The following ZBTB16 variants were observed in gnomAD, a reference collection of about 807,000 sequenced individuals.
ZBTB16 encodes zinc finger and BTB domain-containing protein 16.
ZBTB16 carries 8 observed loss-of-function variants against 56.8 expected under a neutral mutation model. The ratio of observed to expected loss-of-function variants is 0.14; its 90% CI spans 0.08 to 0.25. ZBTB16 has a LOEUF of 0.25. ZBTB16 is among the 10% of genes least tolerant of loss of function. ZBTB16 has a pLI of 1.00. For synonymous variants in ZBTB16, 363 were observed against 368.5 expected, an observed-to-expected ratio of 0.98 and a Z score of 0.17; for missense variants, 625 against 903.0, an observed-to-expected ratio of 0.69 and a Z score of 3.95.
chr11:114,190,746 C>T (rs1335363159), intron 4 of ZBTB16, among the ~76,000 whole-genome samples: 1 of 149,538 alleles, frequency 6.7e-6, no homozygotes, highest in Non-Finnish European at 1.5e-5. Flanking sequence ...CACACACACA[C>T]ACACACACAC....
intron 2 of ZBTB16, among the ~76,000 whole-genome samples, chr11:114,110,877 T>C (rs1025111810): frequency 2.0e-5 from 3 of 152,234 alleles, no homozygotes; most frequent in African/African-American, 7.2e-5. Context: ...TCTGTGATCT[T>C]GTTTTTACAC....
At chr11:114,157,715 C>T (rs958605277) in intron 3 of ZBTB16, among the ~76,000 whole-genome samples, 1 of 152,176 alleles carries the variant, frequency 6.6e-6, no homozygotes, top group Non-Finnish European at 1.5e-5. Context: ...GTGGTCTCTC[C>T]CCCGGCCCTC....
At chr11:114,209,335 C>G (rs569007552) in intron 4 of ZBTB16, 1 of 973,954 alleles carries the variant, frequency 1.0e-6, no homozygotes, top group South Asian at 4.7e-5. Context: ...TAGGCTGTTA[C>G]TAATCCCGTT....
At chr11:114,092,783 G>A (rs1940240832) in intron 2 of ZBTB16, among the ~76,000 whole-genome samples, 1 of 152,064 alleles carries the variant, frequency 6.6e-6, no homozygotes, top group South Asian at 2.1e-4. Flanking sequence ...CTTTCAGACT[G>A]GTCAGGCCAT....
At chr11:114,120,251 G>T (rs1477837330) in intron 2 of ZBTB16, among the ~76,000 whole-genome samples, 1 of 152,112 alleles carries the variant, frequency 6.6e-6, no homozygotes, top group Non-Finnish European at 1.5e-5. Flanking sequence ...TGTTTCTGAG[G>T]TTCTCTCAGA....
chr11:114,180,151 C>G (rs1200226725), intron 3 of ZBTB16, among the ~76,000 whole-genome samples: 1 of 152,122 alleles, frequency 6.6e-6, no homozygotes, highest in African/African-American at 2.4e-5. Context: ...TTCCTTTATC[C>G]CCAACCTTCT....
chr11:114,236,081 A>G (rs1944584294), intron 4 of ZBTB16, among the ~76,000 whole-genome samples: 1 of 152,142 alleles, frequency 6.6e-6, no homozygotes, highest in South Asian at 2.1e-4. Context: ...GCTAAGACTG[A>G]GTCCCATTCA....
At chr11:114,161,602 A>G (rs1265191363) in intron 3 of ZBTB16, among the ~76,000 whole-genome samples, 2 of 152,182 alleles carry the variant, frequency 1.3e-5, no homozygotes, top group African/African-American at 4.8e-5. Flanking sequence ...GGGAAGCCGA[A>G]GCCACCTATG....
intron 2 of ZBTB16, among the ~76,000 whole-genome samples, chr11:114,104,156 G>T (rs969946481): frequency 1.3e-5 from 2 of 152,178 alleles, no homozygotes; most frequent in Non-Finnish European, 2.9e-5. Context: ...CAGAGTTTTA[G>T]ATTTTCTGTT....
intron 5 of ZBTB16, among the ~76,000 whole-genome samples, chr11:114,244,763 T>C (rs112603405): frequency 3.3e-5 from 5 of 152,264 alleles, no homozygotes; most frequent in African/African-American, 1.2e-4. Context: ...AAAAATCGGA[T>C]CAAACAAACT....
intron 2 of ZBTB16, among the ~76,000 whole-genome samples, chr11:114,068,344 C>G (rs1178883220): frequency 6.6e-6 from 1 of 152,142 alleles, no homozygotes; most frequent in East Asian, 1.9e-4. Flanking sequence ...TAAGTTTCCC[C>G]ATGATTTGAT....
At chr11:114,066,666 C>T (rs1395734042) in intron 2 of ZBTB16, among the ~76,000 whole-genome samples, 1 of 151,872 alleles carries the variant, frequency 6.6e-6, no homozygotes, top group Non-Finnish European at 1.5e-5. Flanking sequence ...GAGAGTTGGC[C>T]ATGTTATATT....
chr11:114,199,033 A>G (rs11214899), intron 4 of ZBTB16, among the ~76,000 whole-genome samples: 34,952 of 152,242 alleles, frequency 0.23, 4,186 homozygotes, highest in Middle Eastern at 0.33. Context: ...TGGATTAGAA[A>G]GGGCTGAAGC....
At chr11:114,201,996 A>G (rs539612848) in intron 4 of ZBTB16, among the ~76,000 whole-genome samples, 2 of 152,338 alleles carry the variant, frequency 1.3e-5, no homozygotes, top group Admixed American at 6.5e-5. Context: ...GAGTTTTGGG[A>G]GCGCTCATGG....
chr11:114,222,716 C>T (rs1944253091), intron 4 of ZBTB16, among the ~76,000 whole-genome samples: 1 of 152,152 alleles, frequency 6.6e-6, no homozygotes, highest in South Asian at 2.1e-4. Flanking sequence ...TGTTGGAGGT[C>T]ATGATTTCTG....
At chr11:114,125,072 G>T (rs752727657) in intron 2 of ZBTB16, among the ~76,000 whole-genome samples, 2 of 151,880 alleles carry the variant, frequency 1.3e-5, no homozygotes, top group Non-Finnish European at 2.9e-5. Flanking sequence ...TTCCTCATCT[G>T]CCTGTTTTCC....
At chr11:114,170,229 C>T (rs1418982953) in intron 3 of ZBTB16, among the ~76,000 whole-genome samples, 1 of 152,178 alleles carries the variant, frequency 6.6e-6, no homozygotes, top group Non-Finnish European at 1.5e-5. Flanking sequence ...GTTACGAGTA[C>T]CTAGAACCCC....
chr11:114,132,901 T>C (rs1011117290), intron 2 of ZBTB16, among the ~76,000 whole-genome samples: 3 of 152,130 alleles, frequency 2.0e-5, no homozygotes, highest in Non-Finnish European at 2.9e-5. Flanking sequence ...TTCTCTGAGA[T>C]AGAAGTGTAT....
At chr11:114,215,423 C>T (rs1211327481) in intron 4 of ZBTB16, among the ~76,000 whole-genome samples, 2 of 152,154 alleles carry the variant, frequency 1.3e-5, no homozygotes, top group African/African-American at 2.4e-5. Context: ...TGACCAAGAC[C>T]TCACATCTCA....
Sources: allele counts gnomAD v4.1 joint callset (sites outside exome capture counted in the v4.1 genomes callset), GRCh38; gene constraint gnomAD v4.1.1; transcripts MANE v1.5; gene names NCBI Gene and HGNC (gene_info 2026-07-23, HGNC 2026-07-21).